The following FTO variants were observed in gnomAD, a reference collection of about 807,000 sequenced individuals.
The protein encoded by FTO is FTO alpha-ketoglutarate dependent dioxygenase, also known as alpha-ketoglutarate-dependent dioxygenase FTO.
A neutral mutation model predicts 63.9 loss-of-function variants in FTO; 47 were observed. The observed-to-expected ratio is 0.74, with a 90% CI of 0.58 to 0.94. The LOEUF (loss-of-function observed/expected upper bound fraction) is 0.94, where lower values mean the gene tolerates loss of function less well. FTO is among the 40% of genes least tolerant of loss of function. The pLI, the probability that FTO is intolerant of heterozygous loss-of-function variation, is 0.00. For synonymous variants in FTO, 207 were observed against 224.4 expected (o/e 0.92, Z 0.69); for missense variants, 562 against 618.1 (o/e 0.91, Z 0.96).
chr16:53,737,826 C>T (rs77317168), intron 1 of FTO, among the ~76,000 whole-genome samples: 9,060 of 152,110 alleles, frequency 0.06, 881 homozygotes, highest in African/African-American at 0.21. Context: ...TTAAAAATAG[C>T]GTTATTGAGA....
chr16:53,970,276 G>C (rs1376398909), intron 8 of FTO, among the ~76,000 whole-genome samples: 1 of 152,126 alleles, frequency 6.6e-6, no homozygotes, highest in African/African-American at 2.4e-5. Flanking sequence ...TGACATACAA[G>C]AGGGAAGCCG....
chr16:53,860,633 T>C (rs1302171251), intron 4 of FTO, among the ~76,000 whole-genome samples: 1 of 152,022 alleles, frequency 6.6e-6, no homozygotes, highest in Non-Finnish European at 1.5e-5. Context: ...TGCCACACAC[T>C]TTTAAACCAC....
At chr16:54,079,129 A>G (rs939763380) in intron 8 of FTO, among the ~76,000 whole-genome samples, 1 of 152,210 alleles carries the variant, frequency 6.6e-6, no homozygotes, top group Non-Finnish European at 1.5e-5. Flanking sequence ...TGTGACAGTT[A>G]TTGGGAATAA....
In FTO at chr16:53,704,196, C is replaced by A. The variant is rs115368866; in HGVS notation, c.12C>A (p.Thr4=). The A allele has an allele frequency of 4.5e-6, 7 of 1,551,444 alleles. No individual in the cohort carries two copies. Among genetic ancestry groups the A allele is most frequent in the Non-Finnish European group, 5.2e-6 (6 of 1,146,824 alleles). Residue 4 remains threonine, a synonymous_variant, in exon 1 of 9, where the codon ACC becomes ACA. Coordinates refer to ENST00000471389, the MANE Select transcript of FTO (RefSeq NM_001080432.3). ...GCTTTAGTGGCAGCATGAAGCGCAC[C>A]CCGACTGCCGAGGAACGAGAGCGCG... is the stretch of plus-strand genomic sequence containing the variant. MKR[T]PTAEEREREA... is the part of the protein sequence containing the mutation.
Position 54,115,762 on chromosome 16 carries a change from G to A in FTO, c.*3847G>A, listed in dbSNP as rs2086970595. 1 of 152,240 alleles carries A rather than the reference G, an allele frequency of 6.6e-6. No individual in the cohort carries two copies. The highest frequency in any genetic ancestry group is 1.5e-5 in the Non-Finnish European group (1 of 68,152). 9.4% of individuals were successfully genotyped at this position (152,240 alleles called of 1,614,324 possible). A position where few individuals can be genotyped will look rare whatever the true frequency, so the allele number is the denominator to read the frequency against. ...GCATGAGAGGGTTTCAAGCAGCAAG[G>A]GCATGGAAGTAACTTGGTGAGATAT... On this transcript the variant is annotated 3_prime_UTR_variant, in exon 9 of 9. Coordinates refer to ENST00000471389, the MANE Select transcript of FTO (RefSeq NM_001080432.3).
intron 8 of FTO, chr16:54,052,585 T>G (rs1197303202): frequency 6.6e-6 from 1 of 152,216 alleles, no homozygotes; most frequent in African/African-American, 2.4e-5. Flanking sequence ...CTCATCGTTC[T>G]TCTGTGTGCC....
chr16:53,976,641 G>T (rs1323839597), intron 8 of FTO, among the ~76,000 whole-genome samples: 1 of 151,962 alleles, frequency 6.6e-6, no homozygotes, highest in Admixed American at 6.6e-5. Context: ...TAATATAAAT[G>T]CATTGAATTT....
chr16:53,932,547 G>A (rs1018283693), intron 7 of FTO, among the ~76,000 whole-genome samples: 12 of 151,902 alleles, frequency 7.9e-5, no homozygotes, highest in African/African-American at 2.4e-4. Context: ...ACGCCACCAC[G>A]CCTGGCAAAT....
At chr16:54,063,289 C>T (rs1305021950) in intron 8 of FTO, among the ~76,000 whole-genome samples, 9 of 152,112 alleles carry the variant, frequency 5.9e-5, no homozygotes, top group African/African-American at 1.9e-4. Context: ...AAGGGACAAG[C>T]GGAAGCAGGG....
At chr16:53,880,129 G>C in intron 6 of FTO, 142 bp downstream of exon 6, 2 of 653,308 alleles carry the variant, frequency 3.1e-6, no homozygotes, top group Non-Finnish European at 5.3e-6. Flanking sequence ...CGAATAGGTG[G>C]GACTACAGGT....
chr16:53,916,658 G>C (rs1264024270), intron 7 of FTO, among the ~76,000 whole-genome samples: 1 of 152,148 alleles, frequency 6.6e-6, no homozygotes, highest in Non-Finnish European at 1.5e-5. Context: ...TATACACAGA[G>C]CACTAAACAT....
chr16:53,839,669 C>G (rs1185570013), intron 3 of FTO, among the ~76,000 whole-genome samples: 1 of 151,932 alleles, frequency 6.6e-6, no homozygotes, highest in Non-Finnish European at 1.5e-5. Flanking sequence ...ATGAAGATTC[C>G]CACTTATTAG....
At position 54,115,376 on chromosome 16, in the gene FTO, A is replaced by C. The variant is rs1599390218; in HGVS notation, c.*3461A>C. ...CTCCCAGGCTAGTGGATGCCCTGGG[A>C]TATGTAGTCACCAAAATAGGAACTT... On this transcript the variant is annotated 3_prime_UTR_variant, in exon 9 of 9. Coordinates refer to ENST00000471389, the MANE Select transcript of FTO (RefSeq NM_001080432.3). The C allele has an allele frequency of 6.6e-6, 1 of 152,252 alleles. No homozygotes were observed. The highest frequency in any genetic ancestry group is 2.4e-5 in the African/African-American group (1 of 41,450). 9.4% of individuals were successfully genotyped at this position (152,252 alleles called of 1,614,324 possible).
At chr16:54,058,941 A>G (rs1025935111) in intron 8 of FTO, among the ~76,000 whole-genome samples, 2 of 152,226 alleles carry the variant, frequency 1.3e-5, no homozygotes, top group African/African-American at 4.8e-5. Flanking sequence ...GACTTGTTTT[A>G]TATATGGGAT....
chr16:53,828,923 CT>C (rs2079076599), intron 3 of FTO, among the ~76,000 whole-genome samples: 1 of 152,158 alleles, frequency 6.6e-6, no homozygotes, highest in Non-Finnish European at 1.5e-5. Flanking sequence ...CAGAGTGTTG[CT>C]CTATCTCCCA....
At chr16:54,002,369 A>G (rs1268420251) in intron 8 of FTO, among the ~76,000 whole-genome samples, 1 of 152,240 alleles carries the variant, frequency 6.6e-6, no homozygotes, top group African/African-American at 2.4e-5. Context: ...TCAGCTATCA[A>G]GATGCCAAAT....
intron 1 of FTO, among the ~76,000 whole-genome samples, chr16:53,726,565 G>A (rs2151500448): frequency 2.0e-5 from 3 of 152,290 alleles, no homozygotes; most frequent in Middle Eastern, 6.8e-3. Context: ...ATGCATTTGT[G>A]ATTTGAAATA....
At chr16:53,887,533 C>T (rs565319029) in intron 6 of FTO, among the ~76,000 whole-genome samples, 65 of 152,206 alleles carry the variant, frequency 4.3e-4, no homozygotes, top group African/African-American at 1.1e-3. Flanking sequence ...GTAGATTCAT[C>T]GGAAGGAAAG....
chr16:53,820,755 T>G (rs2078842133), intron 2 of FTO, among the ~76,000 whole-genome samples: 1 of 151,980 alleles, frequency 6.6e-6, no homozygotes, highest in Non-Finnish European at 1.5e-5. Flanking sequence ...TGCGATAGTT[T>G]ACTGAGAATG....
Sources: allele counts gnomAD v4.1 joint callset (sites outside exome capture counted in the v4.1 genomes callset), GRCh38; gene constraint gnomAD v4.1.1; transcripts MANE v1.5; gene names NCBI Gene and HGNC (gene_info 2026-07-23, HGNC 2026-07-21).